The following C14orf39 variants were observed in gnomAD, a reference collection of about 807,000 sequenced individuals.
C14orf39 encodes the protein protein SIX6OS1.
In C14orf39, 66 loss-of-function variants were observed where a neutral mutation model predicts 85.6. The ratio of observed to expected loss-of-function variants is 0.77; its 90% CI spans 0.63 to 0.95. The LOEUF is 0.95. Among genes scored for constraint, C14orf39 ranks in the 40% least tolerant of loss-of-function variants. The probability of loss-of-function intolerance (pLI) is 0.00; values close to 1 mark genes in which losing one functional copy is unlikely to be tolerated. For synonymous variants in C14orf39, 242 were observed against 214.0 expected (o/e 1.13, Z -1.14); for missense variants, 735 against 663.9 (o/e 1.11, Z -1.18).
In C14orf39 at chr14:60,496,189, G is replaced by C. The variant is rs1245613179; in HGVS notation, c.-9+3107C>G. ...CACTCCTCCCCTGATGTGAGTACAG[G>C]AGATTCACATGTTCATCTGAATTCA... is the stretch of plus-strand genomic sequence containing the variant. On this transcript the variant is annotated intron_variant, in intron 2 of 5. Transcript: ENST00000556799. 3 of 438,028 alleles carry C rather than the reference G, an allele frequency of 6.8e-6. No individual in the cohort carries two copies. In the Admixed American group the frequency reaches 7.4e-5, roughly 11 times the overall value. 27.1% of individuals were successfully genotyped at this position (438,028 alleles called of 1,614,324 possible).
At chr14:60,449,865 C>T (rs745358538) in intron 16 of C14orf39, among the ~76,000 whole-genome samples, 13 of 152,072 alleles carry the variant, frequency 8.5e-5, no homozygotes, top group Non-Finnish European at 1.9e-4. Flanking sequence ...TTTGCTCTGG[C>T]TTTTGCAACA....
At chr14:60,464,527 A>G (rs1369900456) in intron 11 of C14orf39, among the ~76,000 whole-genome samples, 3 of 152,092 alleles carry the variant, frequency 2.0e-5, no homozygotes, top group East Asian at 1.9e-4. Flanking sequence ...TCTGCTTTAC[A>G]TATTTTGAAA....
intron 1 of C14orf39, among the ~76,000 whole-genome samples, chr14:60,500,471 C>A (rs560277008): frequency 3.3e-5 from 5 of 152,204 alleles, no homozygotes; most frequent in Non-Finnish European, 7.3e-5. Context: ...AAGGAAAAAA[C>A]TGGACAATAC....
chr14:60,493,946 T>A (rs1289956860), intron 2 of C14orf39: 1 of 160,068 alleles, frequency 6.2e-6, no homozygotes, highest in Non-Finnish European at 1.4e-5. Context: ...TTTTTCCAGA[T>A]TAGCACTGAT....
chr14:60,511,407 C>G, intron 1 of C14orf39: 1 of 917,622 alleles, frequency 1.1e-6, no homozygotes. Context: ...CCCGCCCCAC[C>G]CCGCGGCCGG....
In C14orf39 at chr14:60,484,003, T is replaced by C. The variant is rs1892768017; in HGVS notation, c.107-186A>G. On this transcript the variant is annotated intron_variant, in intron 3 of 17. Transcript: ENST00000321731. This position sits in a 1 kb window ranked among gnomAD's most constrained non-coding sequence, Gnocchi z 4.2. ...AGAGAACCAGGGCCAGGCCTGATCCTAGAGCCAGAAGCTAAGAAGATTTTC... is the reference window on the plus strand; with the variant it reads ...AGAGAACCAGGGCCAGGCCTGATCCCAGAGCCAGAAGCTAAGAAGATTTTC... Among the ~76,000 whole-genome samples the C allele has an allele frequency of 6.6e-6, 1 of 152,144 alleles. No individual in the cohort carries two copies. Among genetic ancestry groups the C allele is most frequent in the Admixed American group, 6.5e-5 (1 of 15,270 alleles).
At chr14:60,508,754 CG>C (rs1245507308) in intron 1 of C14orf39, among the ~76,000 whole-genome samples, 1 of 152,234 alleles carries the variant, frequency 6.6e-6, no homozygotes, top group Non-Finnish European at 1.5e-5. Context: ...TGCGAATTCT[CG>C]GAGCATTTCA....
At chr14:60,478,943 T>A (rs548222109) in intron 4 of C14orf39, among the ~76,000 whole-genome samples, 1 of 152,178 alleles carries the variant, frequency 6.6e-6, no homozygotes, top group East Asian at 1.9e-4. Flanking sequence ...TTTTTTATTA[T>A]GTAACTTGAA....
intron 8 of C14orf39, 120 bp downstream of exon 8, chr14:60,469,413 A>T: frequency 3.1e-6 from 1 of 319,834 alleles, no homozygotes; most frequent in Non-Finnish European, 5.7e-6. Flanking sequence ...AATCTAAATT[A>T]TCTTAAACCT....
chr14:60,471,633 CTCTTT>C lies in C14orf39; in HGVS notation c.425_429del (p.Lys142ArgfsTer3), dbSNP rs1460069058. ...ACTCTGCTTTGAATTTCTTCATGTT[CTCTTT>C]TCTTCTCATAATATTCACGTGAAAA... On this transcript the variant is annotated frameshift_variant, in exon 6 of 18. Coordinates refer to ENST00000321731, the MANE Select transcript of C14orf39 (RefSeq NM_174978.3). LOFTEE classifies it high-confidence loss of function. 32 of 1,611,098 alleles carry C rather than the reference CTCTTT, an allele frequency of 2.0e-5. No homozygotes were observed. The highest frequency in any genetic ancestry group is 2.7e-5 in the Non-Finnish European group (32 of 1,178,378).
Position 60,471,423 on chromosome 14 carries a change from A to G in C14orf39, c.548T>C (p.Leu183Ser). The change falls in exon 7 of 18, where the codon TTA becomes TCA. Residue 183 changes from leucine to serine, a missense_variant. Leu to Ser is a moderately radical substitution (Grantham distance 145). Transcript: ENST00000321731. ...APFPSLTKWT[L>S]NIVNLRCETQ... ...CAAATACTATTGTGGATACATGTTT[A>G]AAGTCCATTTAGTAAGTGATGGAAA... 1.3e-6 allele frequency: 2 copies of G among 1,593,146 alleles called. No individual in the cohort carries two copies. Among genetic ancestry groups the G allele is most frequent in the Non-Finnish European group, 8.6e-7 (1 of 1,169,322 alleles).
chr14:60,465,906 A>T, intron 11 of C14orf39, 73 bp downstream of exon 11: 7 of 671,332 alleles, frequency 1.0e-5, no homozygotes, highest in South Asian at 2.4e-5. Context: ...CTGTGTCTTA[A>T]GGGCAGTACA....
intron 1 of C14orf39, chr14:60,511,062 G>C (rs1190018372): frequency 6.2e-7 from 1 of 1,610,804 alleles, no homozygotes; most frequent in South Asian, 1.1e-5. Context: ...GCTGTGACCC[G>C]TGTTCCCTTT....
chr14:60,458,546 C>T (rs373322636), intron 14 of C14orf39, 132 bp downstream of exon 14: 22 of 536,212 alleles, frequency 4.1e-5, no homozygotes, highest in Admixed American at 3.2e-4. Flanking sequence ...GAATCTGTAA[C>T]TCTCTAGAAA....
At position 60,436,870 on chromosome 14, in the gene C14orf39, T is replaced by TAC. The variant is rs1890273258; in HGVS notation, c.1738_1739insGT (p.Asn580SerfsTer25). 2.7e-5 allele frequency: 43 copies of TAC among 1,611,012 alleles called. No homozygotes were observed. The highest frequency in any genetic ancestry group is 3.6e-5 in the Non-Finnish European group (42 of 1,177,868). On this transcript the variant is annotated frameshift_variant, in exon 18 of 18. Coordinates refer to ENST00000321731, the MANE Select transcript of C14orf39 (RefSeq NM_174978.3). LOFTEE classifies it high-confidence loss of function. ...TCAAAAAAAAGTAAACTGTGTTGTA[T>TAC]TTTGTGAGGAAGATGAAAAACCTTT...
intron 4 of C14orf39, among the ~76,000 whole-genome samples, chr14:60,482,326 A>G (rs577734070): frequency 3.3e-5 from 5 of 152,348 alleles, no homozygotes; most frequent in African/African-American, 4.8e-5. Flanking sequence ...GGTCAACAAC[A>G]TGTAAGTTTT....
At position 60,514,076 on chromosome 14, in the gene C14orf39, G is replaced by A. The variant is rs957242263; in HGVS notation, c.-144+1319C>T. ...TGTGATGGCACCTAATTGCCTCTGT[G>A]AATAACCAATTCTTTGGTGACCACA... On this transcript the variant is annotated intron_variant, in intron 1 of 5. Coordinates refer to the C14orf39 transcript ENST00000556799. Among the ~76,000 whole-genome samples, 62 of 152,222 alleles carry A rather than the reference G, an allele frequency of 4.1e-4. 1 individual carries two copies. Among genetic ancestry groups the A allele is most frequent in the African/African-American group, 1.3e-3 (56 of 41,512 alleles).
At chr14:60,475,208 C>G (rs1892312357) in intron 5 of C14orf39, among the ~76,000 whole-genome samples, 1 of 152,102 alleles carries the variant, frequency 6.6e-6, no homozygotes, top group Non-Finnish European at 1.5e-5. Context: ...ATAGTATGCT[C>G]TGATGGTAGT....
intron 1 of C14orf39, chr14:60,511,151 G>A (rs773738794): frequency 6.2e-7 from 1 of 1,612,944 alleles, no homozygotes; most frequent in South Asian, 1.1e-5. Flanking sequence ...CGGCACGCCA[G>A]AGGTGCTGGG....
Sources: gnomAD v4.1 joint callset for allele counts (sites outside exome capture counted in the v4.1 genomes callset) on GRCh38, gnomAD v4.1.1 for gene constraint, Gnocchi (gnomAD v3.1) non-coding constraint, MANE v1.5 for transcripts, NCBI Gene and HGNC (gene_info 2026-07-23, HGNC 2026-07-21) for gene names.